Variants in THSD7B observed in about 807,000 individuals in gnomAD.
The protein encoded by THSD7B is thrombospondin type-1 domain-containing protein 7B.
Under a neutral mutation model 213.6 loss-of-function variants are expected in THSD7B, and 138 were observed. The observed-to-expected ratio is 0.65, with a 90% confidence interval of 0.56 to 0.74. THSD7B has a LOEUF of 0.74. Ranked by LOEUF, THSD7B falls within the 30% of genes least tolerant of loss-of-function variation. The pLI is 0.00. For missense variants in THSD7B, 1,931 were observed against 1,991.5 expected (o/e 0.97, Z 0.58); for synonymous variants, 742 against 687.0 (o/e 1.08, Z -1.25).
chr2:137,670,920 C>CAAAA (rs530737012), intron 27 of THSD7B, among the ~76,000 whole-genome samples: 2 of 102,840 alleles, frequency 1.9e-5, no homozygotes, highest in African/African-American at 7.5e-5. Context: ...GACTCCGCCT[C>CAAAA]AAAAAAAAAA....
intron 12 of THSD7B, among the ~76,000 whole-genome samples, chr2:137,330,249 C>G (rs974332429): frequency 1.3e-5 from 2 of 152,120 alleles, no homozygotes; most frequent in Non-Finnish European, 1.5e-5. Flanking sequence ...GGGTCAGAAC[C>G]CCCACACGGA....
chr2:137,087,935 T>C (rs1464029821), intron 3 of THSD7B, among the ~76,000 whole-genome samples: 1 of 152,052 alleles, frequency 6.6e-6, no homozygotes, highest in African/African-American at 2.4e-5. Context: ...AACAGCATGG[T>C]ACTGGTATAA....
At chr2:137,600,835 G>T (rs190465421) in intron 17 of THSD7B, among the ~76,000 whole-genome samples, 375 of 152,296 alleles carry the variant, frequency 2.5e-3, no homozygotes, top group African/African-American at 8.5e-3. Flanking sequence ...TGTATGAGAT[G>T]ATAGCTCTAT....
At chr2:136,999,073 A>G (rs938003475) in intron 2 of THSD7B, among the ~76,000 whole-genome samples, 4 of 151,932 alleles carry the variant, frequency 2.6e-5, no homozygotes, top group Non-Finnish European at 4.4e-5. Context: ...TTCAACATCT[A>G]TTTTATGTAT....
intron 4 of THSD7B, among the ~76,000 whole-genome samples, chr2:137,098,387 C>T (rs1037669108): frequency 1.3e-5 from 2 of 152,160 alleles, no homozygotes; most frequent in African/African-American, 2.4e-5. Context: ...AGACAAACTT[C>T]CCTCATGCCC....
At chr2:137,383,785 A>G (rs1303303469) in intron 12 of THSD7B, among the ~76,000 whole-genome samples, 1 of 152,160 alleles carries the variant, frequency 6.6e-6, no homozygotes, top group African/African-American at 2.4e-5. Context: ...AAAACTGTCT[A>G]CGACTTCTTG....
intron 27 of THSD7B, among the ~76,000 whole-genome samples, chr2:137,669,216 T>C (rs1683512932): frequency 6.6e-6 from 1 of 152,210 alleles, no homozygotes; most frequent in African/African-American, 2.4e-5. Flanking sequence ...AATTCAGCCA[T>C]TGTCTATTAA....
chr2:136,838,645 G>A (rs1682877069), intron 1 of THSD7B, among the ~76,000 whole-genome samples: 1 of 152,046 alleles, frequency 6.6e-6, no homozygotes, highest in Non-Finnish European at 1.5e-5. Context: ...CTTTCAAAAT[G>A]AGGTTATTGA....
At chr2:137,305,978 G>T (rs956878588) in intron 12 of THSD7B, among the ~76,000 whole-genome samples, 2 of 152,022 alleles carry the variant, frequency 1.3e-5, no homozygotes, top group Non-Finnish European at 2.9e-5. Flanking sequence ...ACATAGAAAA[G>T]GTACAATAAA....
chr2:137,386,403 T>C (rs1301983824), intron 12 of THSD7B, among the ~76,000 whole-genome samples: 1 of 152,192 alleles, frequency 6.6e-6, no homozygotes, highest in Non-Finnish European at 1.5e-5. Flanking sequence ...TTGATATGCA[T>C]GTAAATTGAG....
intron 7 of THSD7B, among the ~76,000 whole-genome samples, chr2:137,172,386 G>A (rs1680270002): frequency 6.6e-6 from 1 of 152,176 alleles, no homozygotes; most frequent in Admixed American, 6.5e-5. Context: ...CTGGAAACAA[G>A]AGAGGGGCTG....
chr2:137,635,523 T>C (rs77378146), intron 20 of THSD7B, among the ~76,000 whole-genome samples: 17,259 of 152,160 alleles, frequency 0.11, 1,181 homozygotes, highest in South Asian at 0.22. Flanking sequence ...TGAGTAACTA[T>C]GTATTTTGTA....
intron 1 of THSD7B, among the ~76,000 whole-genome samples, chr2:136,835,756 G>A (rs1378565182): frequency 6.6e-6 from 1 of 152,124 alleles, no homozygotes. Flanking sequence ...AGTCCTTTCT[G>A]AAAATATGCC....
intron 15 of THSD7B, among the ~76,000 whole-genome samples, chr2:137,496,408 G>A (rs1028133610): frequency 2.0e-5 from 3 of 152,016 alleles, no homozygotes; most frequent in Non-Finnish European, 2.9e-5. Context: ...GTTAATATGC[G>A]CTCTTACCCC....
chr2:137,405,966 G>A (rs567520967), intron 13 of THSD7B, among the ~76,000 whole-genome samples, 159 bp downstream of exon 13: 6 of 152,250 alleles, frequency 3.9e-5, no homozygotes, highest in Middle Eastern at 3.4e-3. Context: ...TGCCTGGTAC[G>A]TAACAAGTAC....
intron 2 of THSD7B, among the ~76,000 whole-genome samples, chr2:136,972,814 A>G (rs1685425082): frequency 6.6e-6 from 1 of 152,228 alleles, no homozygotes; most frequent in Non-Finnish European, 1.5e-5. Flanking sequence ...CTTGGACTGT[A>G]CCCCAAACCA....
chr2:137,645,672 TAAA>T (rs35469469), intron 21 of THSD7B, among the ~76,000 whole-genome samples: 2 of 145,094 alleles, frequency 1.4e-5, no homozygotes, highest in Non-Finnish European at 3.0e-5. Flanking sequence ...TCATGGTGTG[TAAA>T]AAAAAAAAAA....
chr2:137,472,875 T>C (rs1273127903), intron 15 of THSD7B, among the ~76,000 whole-genome samples: 2 of 152,176 alleles, frequency 1.3e-5, no homozygotes, highest in Non-Finnish European at 2.9e-5. Context: ...TCTGACATCG[T>C]ATATTGGTCA....
intron 12 of THSD7B, among the ~76,000 whole-genome samples, chr2:137,394,470 G>A (rs1260355564): frequency 7.2e-6 from 1 of 138,398 alleles, no homozygotes; most frequent in Non-Finnish European, 1.6e-5. Flanking sequence ...TCTGATAGTT[G>A]TAGATATGCG....
Sources: gnomAD v4.1 joint callset for allele counts (sites outside exome capture counted in the v4.1 genomes callset) on GRCh38, gnomAD v4.1.1 for gene constraint, MANE v1.5 for transcripts, NCBI Gene and HGNC (gene_info 2026-07-23, HGNC 2026-07-21) for gene names.